The following SBF2 variants were observed in gnomAD, a reference collection of about 807,000 sequenced individuals.
SBF2 encodes myotubularin-related protein 13.
Under a neutral mutation model 225.2 loss-of-function variants are expected in SBF2, and 112 were observed. The observed-to-expected ratio is 0.50, with a 90% CI of 0.43 to 0.58. SBF2 has a LOEUF of 0.58. SBF2 is among the 20% of genes least tolerant of loss of function. The pLI is 0.00. For missense variants in SBF2, 1,996 were observed against 2,206.2 expected, an observed-to-expected ratio of 0.90 and a Z score of 1.91; for synonymous variants, 763 against 773.3, an observed-to-expected ratio of 0.99 and a Z score of 0.22.
intron 32 of SBF2, among the ~76,000 whole-genome samples, chr11:9,796,790 G>C (rs923952442): frequency 2.2e-4 from 33 of 152,188 alleles, no homozygotes; most frequent in Admixed American, 2.2e-3. Flanking sequence ...TTTTTCATCA[G>C]TAAATTAGGC....
chr11:10,043,110 C>A (rs1949718244), intron 2 of SBF2, 129 bp from the exon 3 acceptor site: 2 of 875,828 alleles, frequency 2.3e-6, no homozygotes, highest in Admixed American at 2.6e-5. Flanking sequence ...CTAAAGCCAA[C>A]ATTTAAAAAA....
intron 2 of SBF2, among the ~76,000 whole-genome samples, chr11:10,093,655 G>A (rs1385525780): frequency 2.0e-5 from 3 of 152,062 alleles, no homozygotes; most frequent in Admixed American, 6.5e-5. Context: ...ATAAATAATA[G>A]ATATGTGACT....
chr11:10,234,288 A>T (rs1958973385), intron 1 of SBF2, among the ~76,000 whole-genome samples: 1 of 152,106 alleles, frequency 6.6e-6, no homozygotes, highest in Non-Finnish European at 1.5e-5. Flanking sequence ...TCAAGGATGT[A>T]TCTTTTTTTC....
chr11:9,851,526 TATAATAC>T (rs1374174022), intron 21 of SBF2, among the ~76,000 whole-genome samples: 1 of 152,152 alleles, frequency 6.6e-6, no homozygotes, highest in African/African-American at 2.4e-5. Flanking sequence ...TCAGTAACCA[TATAATAC>T]ATTCCTCTGA....
chr11:10,286,376 G>A (rs1963787661), intron 1 of SBF2, among the ~76,000 whole-genome samples: 1 of 138,638 alleles, frequency 7.2e-6, no homozygotes, highest in Non-Finnish European at 1.5e-5. Context: ...AGACAGTCTT[G>A]CTCTGTCGCC....
intron 13 of SBF2, among the ~76,000 whole-genome samples, chr11:9,983,741 T>C (rs1947064082): frequency 6.6e-6 from 1 of 152,104 alleles, no homozygotes; most frequent in African/African-American, 2.4e-5. Flanking sequence ...CCATAGACGG[T>C]TCACATCACA....
chr11:9,959,347 G>A, intron 16 of SBF2: 1 of 778,610 alleles, frequency 1.3e-6, no homozygotes, highest in East Asian at 2.4e-5. Flanking sequence ...GGGGCTCAGG[G>A]AATCCACTGG....
intron 1 of SBF2, among the ~76,000 whole-genome samples, chr11:10,269,050 C>T (rs1401290395): frequency 2.0e-5 from 3 of 152,144 alleles, no homozygotes; most frequent in African/African-American, 7.2e-5. Context: ...TAGGTATACT[C>T]CCATACTACT....
At chr11:10,023,314 G>C (rs752980039) in intron 6 of SBF2, among the ~76,000 whole-genome samples, 5 of 152,156 alleles carry the variant, frequency 3.3e-5, no homozygotes, top group Non-Finnish European at 7.4e-5. Context: ...TCTTAGATCA[G>C]TTGTGAGCCT....
upstream of SBF2, among the ~76,000 whole-genome samples, chr11:10,298,580 A>G (rs1039299262): frequency 3.9e-5 from 6 of 152,202 alleles, no homozygotes; most frequent in African/African-American, 1.4e-4. Flanking sequence ...GACTTGAGCA[A>G]ACATCACCAG....
chr11:9,935,152 CA>C (rs1305358762), intron 16 of SBF2, among the ~76,000 whole-genome samples: 2 of 152,052 alleles, frequency 1.3e-5, no homozygotes, highest in Non-Finnish European at 2.9e-5. Flanking sequence ...AGCATTCTTA[CA>C]CCAATAACAG....
At position 10,052,241 on chromosome 11, in the gene SBF2, C is replaced by G. The variant is rs559067064; in HGVS notation, c.142-9260G>C. ...ACAGACTGACCTAACACTGTGCCCT[C>G]CTTTTTTCAAGTCACTGAGAAAACA... On this transcript the variant is annotated intron_variant, in intron 2 of 39. Transcript: ENST00000256190. 5.3e-5 allele frequency among the ~76,000 whole-genome samples: 8 copies of G among 152,134 alleles called. No individual in the cohort carries two copies. The South Asian group carries it at 1.5e-3, about 28-fold the overall frequency.
At chr11:10,211,065 T>G (rs1957931054) in intron 1 of SBF2, among the ~76,000 whole-genome samples, 1 of 147,100 alleles carries the variant, frequency 6.8e-6, no homozygotes, top group South Asian at 2.2e-4. Context: ...TGTACATGTG[T>G]TTTCAGTACT....
At chr11:10,188,767 CTTCAAAG>C (rs1957045237) in intron 2 of SBF2, among the ~76,000 whole-genome samples, 1 of 152,182 alleles carries the variant, frequency 6.6e-6, no homozygotes, top group Admixed American at 6.6e-5. Context: ...GGTTTTATTA[CTTCAAAG>C]AGACAACAGT....
chr11:9,839,719 C>G, intron 25 of SBF2, 23 bp from the exon 26 acceptor site: 1 of 1,601,440 alleles, frequency 6.2e-7, no homozygotes, highest in South Asian at 1.1e-5. Context: ...AGACAGATAT[C>G]GAAGAAATGA....
At chr11:9,914,919 T>A (rs563438556) in intron 16 of SBF2, among the ~76,000 whole-genome samples, 1 of 106,566 alleles carries the variant, frequency 9.4e-6, no homozygotes, top group South Asian at 3.9e-4. Context: ...GGGGGGGCTA[T>A]AGATGTGCGG....
chr11:10,058,091 A>G (rs1950313881), intron 2 of SBF2, among the ~76,000 whole-genome samples: 1 of 152,216 alleles, frequency 6.6e-6, no homozygotes, highest in East Asian at 1.9e-4. Flanking sequence ...TGTTAACTCC[A>G]ATGGTCCAGA....
chr11:9,821,014 T>C (rs1013336590), intron 28 of SBF2, among the ~76,000 whole-genome samples: 2 of 152,204 alleles, frequency 1.3e-5, no homozygotes, highest in African/African-American at 4.8e-5. Context: ...TGGATTACTA[T>C]ACCCTCCCTC....
At chr11:10,075,851 A>G (rs1428594421) in intron 2 of SBF2, among the ~76,000 whole-genome samples, 2 of 152,036 alleles carry the variant, frequency 1.3e-5, no homozygotes, top group South Asian at 4.1e-4. Context: ...CTCTAGCCTG[A>G]GACATAAAGG....
Sources: gnomAD v4.1 joint callset for allele counts (sites outside exome capture counted in the v4.1 genomes callset) on GRCh38, gnomAD v4.1.1 for gene constraint, MANE v1.5 for transcripts, NCBI Gene and HGNC (gene_info 2026-07-23, HGNC 2026-07-21) for gene names.